The following PCSK5 variants were observed in gnomAD, a reference collection of about 807,000 sequenced individuals.
PCSK5 encodes proprotein convertase subtilisin/kexin type 5.
PCSK5 carries 129 observed loss-of-function variants against 233.2 expected under a neutral mutation model. The observed-to-expected ratio is 0.55, with a 90% CI of 0.48 to 0.64. The LOEUF is 0.64. PCSK5 is among the 30% of genes least tolerant of loss of function. The pLI is 0.00. For missense variants in PCSK5, 2,076 were observed against 2,430.1 expected, an observed-to-expected ratio of 0.85 and a Z score of 3.06; for synonymous variants, 825 against 879.2, an observed-to-expected ratio of 0.94 and a Z score of 1.09.
At chr9:76,136,428 G>C (rs1822980730) in intron 10 of PCSK5, among the ~76,000 whole-genome samples, 1 of 152,006 alleles carries the variant, frequency 6.6e-6, no homozygotes, top group African/African-American at 2.4e-5. Context: ...CTAATGGTTA[G>C]AAAAGGTTCC....
Position 76,093,582 on chromosome 9 carries a change from T to TATATAC in PCSK5, c.895-2307_895-2306insTATACA, listed in dbSNP as rs375899150. Among the ~76,000 whole-genome samples the TATATAC allele has an allele frequency of 3.1e-3, 472 of 149,918 alleles. 2 individuals are homozygous for TATATAC. The highest frequency in any genetic ancestry group is 0.011 in the African/African-American group (439 of 40,748). ...TCATAATTTTATATATATATATATATACACACACACACACACACGTGCTTG... is the reference window on the plus strand; with the variant it reads ...TCATAATTTTATATATATATATATATATATACACACACACACACACACACGTGCTTG... On this transcript the variant is annotated intron_variant, in intron 7 of 37. Coordinates refer to ENST00000674117, the MANE Select transcript of PCSK5 (RefSeq NM_001372043.1).
intron 7 of PCSK5, among the ~76,000 whole-genome samples, chr9:76,093,818 C>G (rs1831398308): frequency 6.6e-6 from 1 of 152,112 alleles, no homozygotes; most frequent in Admixed American, 6.5e-5. Flanking sequence ...CTTTCTTTCC[C>G]TCTGGTATGT....
chr9:75,962,848 T>C (rs1825414090), intron 2 of PCSK5, among the ~76,000 whole-genome samples: 2 of 152,316 alleles, frequency 1.3e-5, no homozygotes, highest in Admixed American at 6.5e-5. Context: ...AATGGGCCTC[T>C]GCGCACACCC....
At chr9:76,195,786 G>T (rs899486717) in intron 20 of PCSK5, 5 of 152,000 alleles carry the variant, frequency 3.3e-5, no homozygotes, top group Admixed American at 3.3e-4. Flanking sequence ...ATGTTCAGTT[G>T]TTTTTTTGTA....
intron 28 of PCSK5, among the ~76,000 whole-genome samples, chr9:76,303,927 T>C (rs1266129640): frequency 6.6e-6 from 1 of 152,116 alleles, no homozygotes; most frequent in Non-Finnish European, 1.5e-5. Flanking sequence ...ATCCCAGCGC[T>C]TTGGGAGACC....
chr9:75,988,571 C>T (rs758609212), intron 3 of PCSK5, among the ~76,000 whole-genome samples: 9 of 152,084 alleles, frequency 5.9e-5, no homozygotes, highest in East Asian at 3.9e-4. Flanking sequence ...TGCATGCCAC[C>T]GTGCTTGGCT....
chr9:76,174,285 C>T (rs1006451293), intron 13 of PCSK5, among the ~76,000 whole-genome samples: 8 of 151,594 alleles, frequency 5.3e-5, no homozygotes, highest in African/African-American at 1.9e-4. Context: ...TACTTATTAA[C>T]AAGTCAGATA....
At chr9:76,172,872 A>C (rs960426191) in intron 13 of PCSK5, among the ~76,000 whole-genome samples, 14 of 152,174 alleles carry the variant, frequency 9.2e-5, no homozygotes, top group Non-Finnish European at 7.4e-5. Flanking sequence ...AGTCCAAAGA[A>C]AAGCTGGCAG....
rs149759098 is a variant in PCSK5, at chr9:76,293,970, G to A, written c.3186-1305G>A. On this transcript the variant is annotated intron_variant, in intron 25 of 37. Transcript: ENST00000674117. The stretch of plus-strand genomic sequence containing the variant: ...CCAACACTTTGGGAGGCCAAGGTGG[G>A]TGGATCACCTGAGGTCAGGAGTTTG... Among the ~76,000 whole-genome samples, 171 of 152,350 alleles carry A rather than the reference G, an allele frequency of 1.1e-3. 4 individuals carry two copies. Among genetic ancestry groups the A allele is most frequent in the Non-Finnish European group, 4.0e-4 (27 of 68,040 alleles).
chr9:76,017,738 TTG>T (rs779669788), intron 3 of PCSK5, among the ~76,000 whole-genome samples: 3 of 151,962 alleles, frequency 2.0e-5, no homozygotes, highest in Non-Finnish European at 4.4e-5. Flanking sequence ...CTGGGGGCAA[TTG>T]TGTGTGTGTA....
At chr9:76,282,734 A>T (rs1827922794) in intron 24 of PCSK5, among the ~76,000 whole-genome samples, 1 of 152,206 alleles carries the variant, frequency 6.6e-6, no homozygotes. Context: ...TCACCCAGGT[A>T]GTGAGCATAG....
intron 20 of PCSK5, among the ~76,000 whole-genome samples, chr9:76,214,340 G>C (rs1449639409): frequency 6.6e-6 from 1 of 151,814 alleles, no homozygotes; most frequent in Admixed American, 6.6e-5. Flanking sequence ...GTGTGTGCAC[G>C]CAGCCCACCA....
chr9:76,245,330 T>C (rs1587799008), intron 24 of PCSK5, among the ~76,000 whole-genome samples: 1 of 152,208 alleles, frequency 6.6e-6, no homozygotes, highest in African/African-American at 2.4e-5. Flanking sequence ...TATCCAAATT[T>C]AAAAATTGTA....
In PCSK5 at chr9:76,261,969, C is replaced by T. The variant is rs540645202; in HGVS notation, c.3142+21285C>T. 4.6e-4 allele frequency among the ~76,000 whole-genome samples: 70 copies of T among 152,268 alleles called. 2 individuals are homozygous for T. In the South Asian group the frequency reaches 0.011, roughly 23 times the overall value. On this transcript the variant is annotated intron_variant, in intron 24 of 37. Coordinates refer to ENST00000674117, the MANE Select transcript of PCSK5 (RefSeq NM_001372043.1). The stretch of plus-strand genomic sequence containing the variant: ...TCTGCAAACAGGGACAATTTGACTT[C>T]CTCTTTTCCTAATTGAATACCCTTT...
intron 22 of PCSK5, among the ~76,000 whole-genome samples, chr9:76,235,276 C>T (rs1826215998): frequency 6.6e-6 from 1 of 150,792 alleles, no homozygotes; most frequent in African/African-American, 2.4e-5. Flanking sequence ...GTCACTTCAC[C>T]TCTTTATGCC....
chr9:75,944,198 T>C (rs1419713576), intron 2 of PCSK5, among the ~76,000 whole-genome samples: 4 of 150,090 alleles, frequency 2.7e-5, no homozygotes, highest in East Asian at 3.9e-4. Flanking sequence ...TATATATATA[T>C]ACACATATAC....
intron 2 of PCSK5, among the ~76,000 whole-genome samples, chr9:75,953,865 TGAGTA>T (rs1316153212): frequency 6.6e-6 from 1 of 152,058 alleles, no homozygotes; most frequent in Non-Finnish European, 1.5e-5. Flanking sequence ...TTATAAGAGT[TGAGTA>T]GAGATGGCAT....
intron 21 of PCSK5, among the ~76,000 whole-genome samples, chr9:76,228,285 GGGT>G (rs1825962392): frequency 6.6e-6 from 1 of 151,946 alleles, no homozygotes; most frequent in Non-Finnish European, 1.5e-5. Context: ...GGGTTACAAG[GGGT>G]GAACTGTTTT....
At chr9:75,970,370 A>G (rs1825765005) in intron 2 of PCSK5, among the ~76,000 whole-genome samples, 1 of 152,178 alleles carries the variant, frequency 6.6e-6, no homozygotes, top group South Asian at 2.1e-4. Context: ...ACAAGTCAGA[A>G]AGTGCCCTGG....
Sources: allele counts gnomAD v4.1 joint callset (sites outside exome capture counted in the v4.1 genomes callset), GRCh38; gene constraint gnomAD v4.1.1; transcripts MANE v1.5; gene names NCBI Gene and HGNC (gene_info 2026-07-23, HGNC 2026-07-21).